The following GRM7 variants were observed in gnomAD, a reference collection of about 807,000 sequenced individuals.
GRM7 encodes glutamate metabotropic receptor 7.
Under a neutral mutation model 84.5 loss-of-function variants are expected in GRM7, and 35 were observed. The observed-to-expected ratio is 0.41, with a 90% confidence interval of 0.32 to 0.55. GRM7 has a LOEUF of 0.55. GRM7 is among the 20% of genes least tolerant of loss of function. GRM7 has a pLI of 0.19. For missense variants in GRM7, 1,003 were observed against 1,194.6 expected (o/e 0.84, Z 2.36); for synonymous variants, 487 against 455.1 (o/e 1.07, Z -0.89).
At chr3:7,195,294 C>T (rs1695842369) in intron 2 of GRM7, among the ~76,000 whole-genome samples, 1 of 152,120 alleles carries the variant, frequency 6.6e-6, no homozygotes, top group Non-Finnish European at 1.5e-5. Flanking sequence ...AGCAAGACTG[C>T]CTCTGTCTCA....
chr3:7,329,462 T>G (rs1245337201), intron 4 of GRM7, among the ~76,000 whole-genome samples: 1 of 152,132 alleles, frequency 6.6e-6, no homozygotes, highest in African/African-American at 2.4e-5. Flanking sequence ...TGTGAATGGG[T>G]ATGTGGAGCT....
intron 5 of GRM7, among the ~76,000 whole-genome samples, chr3:7,442,624 C>A (rs1697336124): frequency 6.6e-6 from 1 of 152,126 alleles, no homozygotes; most frequent in Admixed American, 6.6e-5. Flanking sequence ...CAGTGAGATG[C>A]AATCATTCCA....
chr3:7,595,232 A>G (rs1017714703), intron 8 of GRM7, among the ~76,000 whole-genome samples: 1 of 152,222 alleles, frequency 6.6e-6, no homozygotes, highest in Non-Finnish European at 1.5e-5. Flanking sequence ...CTGAAGAGAC[A>G]AAGACAGGTG....
At chr3:7,106,483 A>G (rs763320153) in intron 1 of GRM7, among the ~76,000 whole-genome samples, 1 of 152,032 alleles carries the variant, frequency 6.6e-6, no homozygotes, top group Non-Finnish European at 1.5e-5. Flanking sequence ...AAAAAATCAA[A>G]TGTGAATGAT....
At chr3:6,875,147 C>G (rs903311776) in intron 1 of GRM7, among the ~76,000 whole-genome samples, 5 of 151,246 alleles carry the variant, frequency 3.3e-5, no homozygotes, top group African/African-American at 1.2e-4. Context: ...AAAATGCTTT[C>G]TCATAAGGGA....
intron 4 of GRM7, among the ~76,000 whole-genome samples, chr3:7,367,976 ACT>A (rs1305738740): frequency 0.17 from 63 of 360 alleles, no homozygotes; most frequent in South Asian, 0.4. Context: ...AACAACAACA[ACT>A]ACACAGACAA....
intron 1 of GRM7, among the ~76,000 whole-genome samples, chr3:7,138,155 T>G (rs767602803): frequency 1.3e-5 from 2 of 152,066 alleles, no homozygotes; most frequent in Non-Finnish European, 2.9e-5. Flanking sequence ...CACTTGGCTA[T>G]CTACTCAAAA....
At chr3:7,325,076 C>T (rs1049639058) in intron 4 of GRM7, among the ~76,000 whole-genome samples, 1 of 152,118 alleles carries the variant, frequency 6.6e-6, no homozygotes, top group African/African-American at 2.4e-5. Flanking sequence ...GCCTCATTGC[C>T]TTGCAGACCA....
intron 5 of GRM7, among the ~76,000 whole-genome samples, chr3:7,436,933 T>G (rs1200392302): frequency 6.6e-6 from 1 of 152,020 alleles, no homozygotes; most frequent in East Asian, 1.9e-4. Flanking sequence ...ATCATCATCA[T>G]CATCATTTCA....
intron 1 of GRM7, among the ~76,000 whole-genome samples, chr3:7,059,005 T>A (rs573670780): frequency 6.2e-4 from 94 of 151,942 alleles, no homozygotes; most frequent in African/African-American, 1.9e-3. Context: ...CTGTGGGAGC[T>A]AAGAACATAA....
At chr3:7,329,584 T>C (rs901218270) in intron 4 of GRM7, among the ~76,000 whole-genome samples, 18 of 152,242 alleles carry the variant, frequency 1.2e-4, no homozygotes, top group African/African-American at 4.1e-4. Flanking sequence ...AAGAGTGATA[T>C]GTGTACTATA....
chr3:7,298,492 C>T, intron 2 of GRM7, 192 bp from the exon 3 acceptor site: 1 of 551,972 alleles, frequency 1.8e-6, no homozygotes, highest in Non-Finnish European at 3.2e-6. Context: ...CGTGTAATAC[C>T]ATGGAAAGTG....
At chr3:7,027,291 A>G (rs887830922) in intron 1 of GRM7, among the ~76,000 whole-genome samples, 1 of 152,128 alleles carries the variant, frequency 6.6e-6, no homozygotes, top group African/African-American at 2.4e-5. Flanking sequence ...GCAGGATTGT[A>G]AAATTAGAAT....
intron 7 of GRM7, among the ~76,000 whole-genome samples, chr3:7,464,882 A>C (rs904497568): frequency 7.3e-5 from 11 of 150,358 alleles, no homozygotes; most frequent in African/African-American, 2.2e-4. Context: ...TGTAATCCCA[A>C]CTACTTGGGA....
At chr3:6,935,629 G>A (rs1697662394) in intron 1 of GRM7, among the ~76,000 whole-genome samples, 1 of 151,006 alleles carries the variant, frequency 6.6e-6, no homozygotes, top group African/African-American at 2.4e-5. Context: ...GATGGCACTG[G>A]AGAGACATTG....
chr3:7,644,193 C>T (rs1301872817), intron 8 of GRM7, among the ~76,000 whole-genome samples: 5 of 101,374 alleles, frequency 4.9e-5, no homozygotes, highest in African/African-American at 1.1e-4. Flanking sequence ...TATGTCTGTA[C>T]GTATATATAT....
At chr3:7,491,136 G>A (rs1479974402) in intron 7 of GRM7, among the ~76,000 whole-genome samples, 1 of 151,686 alleles carries the variant, frequency 6.6e-6, no homozygotes, top group African/African-American at 2.4e-5. Flanking sequence ...GAGGGTAGAG[G>A]TTATCTATTT....
At chr3:7,357,814 C>T (rs1693477945) in intron 4 of GRM7, among the ~76,000 whole-genome samples, 1 of 152,014 alleles carries the variant, frequency 6.6e-6, no homozygotes, top group South Asian at 2.1e-4. Flanking sequence ...TCTCTGTATT[C>T]ATGTCTTTAT....
intron 4 of GRM7, among the ~76,000 whole-genome samples, chr3:7,400,713 C>A (rs1429785985): frequency 6.6e-6 from 1 of 152,134 alleles, no homozygotes; most frequent in Admixed American, 6.5e-5. Flanking sequence ...AATCCTGTAA[C>A]TTTCATAGGC....
Sources: gnomAD v4.1 joint callset for allele counts (sites outside exome capture counted in the v4.1 genomes callset) on GRCh38, gnomAD v4.1.1 for gene constraint, MANE v1.5 for transcripts, NCBI Gene and HGNC (gene_info 2026-07-23, HGNC 2026-07-21) for gene names.